Variants in PYCR2 observed in about 807,000 individuals in gnomAD.
PYCR2 encodes the protein P5C reductase 2.
PYCR2 carries 17 observed loss-of-function variants against 23.4 expected under a neutral mutation model. That is an observed-to-expected ratio of 0.73 (90% confidence interval 0.50 to 1.09). The LOEUF is 1.09. Ranked by LOEUF, PYCR2 falls within the 50% of genes least tolerant of loss-of-function variation. The pLI is 0.00. For missense variants in PYCR2, 380 were observed against 423.5 expected, an observed-to-expected ratio of 0.90 and a Z score of 0.90; for synonymous variants, 172 against 176.6, an observed-to-expected ratio of 0.97 and a Z score of 0.21.
chr1:225,924,001 TCGGGACC>T, intron 1 of PYCR2, 36 bp downstream of exon 1: 1 of 1,532,202 alleles, frequency 6.5e-7, no homozygotes, highest in Non-Finnish European at 8.8e-7. Flanking sequence ...CCCTCGGGCC[TCGGGACC>T]GCCCGCGAAG....
Position 225,921,289 on chromosome 1 carries a change from A to C in PYCR2, c.716T>G (p.Ile239Ser). The change falls in exon 6 of 7, where the codon ATC (isoleucine) becomes AGC (serine). Residue 239 changes from isoleucine to serine, a missense_variant. By Grantham distance (142) the Ile-to-Ser change is moderately radical (BLOSUM62 -2). Coordinates refer to ENST00000343818, the MANE Select transcript of PYCR2 (RefSeq NM_013328.4). This position sits in a 1 kb window ranked among gnomAD's most constrained non-coding sequence, Gnocchi z 4.2. ...DNVCSPGGAT[I>S]HALHFLESGG... ...ACTCTCTAGAAAGTGCAGGGCGTGG[A>C]TGGTGGCTCCCCCAGGGGAGCAGAC... The C allele has an allele frequency of 1.2e-6, 2 of 1,609,948 alleles. No individual in the cohort carries two copies. The highest frequency in any genetic ancestry group is 8.5e-7 in the Non-Finnish European group (1 of 1,176,172).
rs113802383 is a variant in PYCR2 at position 225,922,408 on chromosome 1, C to T, written c.139-25G>A. On this transcript the variant is annotated intron_variant, in intron 2 of 6. Coordinates refer to ENST00000343818, the MANE Select transcript of PYCR2 (RefSeq NM_013328.4). ...TCTGCAAGAGGAGACTCCCAGCTCA[C>T]AGTGCTGGAGCAGCCTGGCTATGCC... is the stretch of plus-strand genomic sequence containing the variant. 490 of 1,599,740 alleles carry T rather than the reference C, an allele frequency of 3.1e-4. 2 individuals are homozygous for T. In the African/African-American group the frequency reaches 5.6e-3, roughly 18 times the overall value.
At chr1:225,923,897 G>T in intron 1 of PYCR2, 126 bp from the exon 2 acceptor site, 1 of 1,486,310 alleles carries the variant, frequency 6.7e-7, no homozygotes, top group Non-Finnish European at 9.1e-7. Flanking sequence ...CCTCTACGAG[G>T]ACAGAAGACG....
rs754349088 is a variant in PYCR2 at position 225,921,644 on chromosome 1, C to T, written c.541G>A (p.Ala181Thr). ...GCCAATGCGTCCAGAGCCATGAATGCCTGTGGAGACACTCACTAAGCCCCA... is the reference window on the plus strand; with the variant it reads ...GCCAATGCGTCCAGAGCCATGAATGTCTGTGGAGACACTCACTAAGCCCCA... ...TGLSGSGPAY[A>T]FMALDALADG... Residue 181 changes from alanine to threonine, a missense_variant and splice_region_variant, in exon 5 of 7, where the codon GCA (alanine) becomes ACA (threonine). By Grantham distance (58) the Ala-to-Thr change is moderately conservative. Coordinates refer to ENST00000343818, the MANE Select transcript of PYCR2 (RefSeq NM_013328.4). The surrounding 1 kb of genome is among the most constrained non-coding windows in gnomAD (Gnocchi z 4.2). 6.2e-7 allele frequency: 1 copy of T among 1,614,194 alleles called. No homozygotes were observed. Among genetic ancestry groups the T allele is most frequent in the Non-Finnish European group, 8.5e-7 (1 of 1,180,016 alleles).
rs1671910939 is a variant in PYCR2, at chr1:225,923,689, G to A, written c.138+12C>T. ...CCTCCACCCGCTTCCCACTCCGCCC[G>A]GCTCCACCTACCCTGAGCGCGGACA... On this transcript the variant is annotated intron_variant, in intron 2 of 6. Transcript: ENST00000343818. The A allele has an allele frequency of 1.9e-6, 3 of 1,613,920 alleles. No individual in the cohort carries two copies. The highest frequency in any genetic ancestry group is 2.5e-6 in the Non-Finnish European group (3 of 1,179,930).
chr1:225,923,803 C>A, intron 1 of PYCR2, 32 bp from the exon 2 acceptor site: 1 of 1,613,656 alleles, frequency 6.2e-7, no homozygotes, highest in South Asian at 1.1e-5. Flanking sequence ...AACTAGGGGT[C>A]GCGGCCCAGC....
rs1186997318 is a variant in PYCR2, at chr1:225,920,471, C to T, written c.947G>A (p.Gly316Glu). The T allele has an allele frequency of 6.9e-7, 1 of 1,457,696 alleles. No individual in the cohort carries two copies. The highest frequency in any genetic ancestry group is 9.3e-7 in the Non-Finnish European group (1 of 1,072,124). 90.3% of individuals were successfully genotyped at this position (1,457,696 alleles called of 1,614,324 possible). A position where few individuals can be genotyped will look rare whatever the true frequency, so the allele number is the denominator to read the frequency against. ...GKLLTRSLAL[G>E]GKKD ...GATGCTGCCTTAGTCCTTCTTGCCT[C>T]CCAGGGCCAGGCTTCTTGTGAGGAG... is the stretch of plus-strand genomic sequence containing the variant. The change falls in exon 7 of 7, where the codon GGA becomes GAA. Residue 316 changes from glycine to glutamate, a missense_variant. Physicochemically the swap from Gly to Glu is moderately conservative, Grantham distance 98 (BLOSUM62 -2). Coordinates refer to ENST00000343818, the MANE Select transcript of PYCR2 (RefSeq NM_013328.4).
rs142577088 is a variant in PYCR2, at chr1:225,921,635, C to T, written c.550G>A (p.Ala184Thr). ...CCACCATCAGCCAATGCGTCCAGAG[C>T]CATGAATGCCTGTGGAGACACTCAC... ...SGSGPAYAFMALDALADGGVK... is the reference protein window; with the variant it reads ...SGSGPAYAFMTLDALADGGVK... Residue 184 changes from alanine to threonine, a missense_variant, in exon 5 of 7, where the codon GCT becomes ACT. Ala to Thr is a moderately conservative substitution (Grantham distance 58, BLOSUM62 0). Transcript: ENST00000343818. This position sits in a 1 kb window ranked among gnomAD's most constrained non-coding sequence, Gnocchi z 4.2. 3.7e-6 allele frequency: 6 copies of T among 1,614,104 alleles called. No homozygotes were observed. The highest frequency in any genetic ancestry group is 5.1e-6 in the Non-Finnish European group (6 of 1,180,048).
chr1:225,921,181 G>A lies in PYCR2; in HGVS notation c.797+27C>T. The A allele has an allele frequency of 6.2e-7, 1 of 1,600,738 alleles. No homozygotes were observed. ...GGACCAACCAGGACTGAAGGGTCTG[G>A]GACAGAAGTCCGCGGGATGGACTCA... On this transcript the variant is annotated intron_variant, in intron 6 of 6. Coordinates refer to ENST00000343818, the MANE Select transcript of PYCR2 (RefSeq NM_013328.4). The surrounding 1 kb of genome is among the most constrained non-coding windows in gnomAD (Gnocchi z 4.2).
Position 225,921,131 on chromosome 1 carries a change from G to C in PYCR2, c.797+77C>G. 2.8e-6 allele frequency: 4 copies of C among 1,423,248 alleles called. No individual in the cohort carries two copies. The highest frequency in any genetic ancestry group is 3.8e-6 in the Non-Finnish European group (4 of 1,042,948). The allele number at this position is 1,423,248 out of a possible 1,614,324, so 88.2% of individuals were successfully genotyped here. ...AATGGGACCCAAGACAGCAGGTTCC[G>C]CAAATGGTGCTCAACCCAGCCCAGG... On this transcript the variant is annotated intron_variant, in intron 6 of 6. Coordinates refer to ENST00000343818, the MANE Select transcript of PYCR2 (RefSeq NM_013328.4). The surrounding 1 kb of genome is among the most constrained non-coding windows in gnomAD (Gnocchi z 4.2).
chr1:225,924,014 C>G (rs1671921578), intron 1 of PYCR2, 30 bp downstream of exon 1: 1 of 1,493,236 alleles, frequency 6.7e-7, no homozygotes, highest in Non-Finnish European at 9.0e-7. Context: ...GGACCGCCCG[C>G]GAAGCCGCCT....
chr1:225,921,539 GA>G lies in PYCR2; in HGVS notation c.633+12del. On this transcript the variant is annotated intron_variant, in intron 5 of 6. Transcript: ENST00000343818. This position sits in a 1 kb window ranked among gnomAD's most constrained non-coding sequence, Gnocchi z 4.2. Reference sequence around the variant, plus strand: ...ACACCCTGGTCCTGAACATGCGGGGGAAAGATACTGACCAGCAAAGCCTGGG... The same window carrying G: ...ACACCCTGGTCCTGAACATGCGGGGGAAGATACTGACCAGCAAAGCCTGGG... 6.2e-7 allele frequency: 1 copy of G among 1,613,942 alleles called. No individual in the cohort carries two copies. The highest frequency in any genetic ancestry group is 8.5e-7 in the Non-Finnish European group (1 of 1,179,822).
At chr1:225,923,483 C>T in intron 2 of PYCR2, 1 of 1,410,122 alleles carries the variant, frequency 7.1e-7, no homozygotes, top group African/African-American at 1.4e-5. Context: ...CTCTACCACT[C>T]CAGTGTCTGG....
rs1173956785 is a variant in PYCR2, at chr1:225,924,183, G to A, written c.-73C>T. The A allele has an allele frequency of 1.4e-6, 2 of 1,476,538 alleles. No individual in the cohort carries two copies. The highest frequency in any genetic ancestry group is 1.4e-5 in the African/African-American group (1 of 71,072). 91.5% of individuals were successfully genotyped at this position (1,476,538 alleles called of 1,614,324 possible). On this transcript the variant is annotated 5_prime_UTR_variant, in exon 1 of 7. Coordinates refer to ENST00000343818, the MANE Select transcript of PYCR2 (RefSeq NM_013328.4). ...GGGACCGGAAGTAACGCTAGGGGAA[G>A]GGCGGACAGCGCAGGGGCGAACGGG...
chr1:225,921,782 C>A lies in PYCR2; in HGVS notation c.540+76G>T. On this transcript the variant is annotated intron_variant, in intron 4 of 6. Transcript: ENST00000343818. The surrounding 1 kb of genome is among the most constrained non-coding windows in gnomAD (Gnocchi z 4.2). Reference sequence around the variant, plus strand: ...TGTGCCCAAGAGGTGGGCGCCACCCCCAGTCCAAGCCTGCCTGCCAGCCCA... The same window carrying A: ...TGTGCCCAAGAGGTGGGCGCCACCCACAGTCCAAGCCTGCCTGCCAGCCCA... 1 of 1,597,412 alleles carries A rather than the reference C, an allele frequency of 6.3e-7. No homozygotes were observed. The highest frequency in any genetic ancestry group is 8.6e-7 in the Non-Finnish European group (1 of 1,168,916).
intron 6 of PYCR2, among the ~76,000 whole-genome samples, chr1:225,920,904 T>C (rs923490677): frequency 6.6e-6 from 1 of 152,208 alleles, no homozygotes; most frequent in Non-Finnish European, 1.5e-5. Flanking sequence ...AGATTCAAAT[T>C]AGAATCCTGT....
chr1:225,924,179 G>C lies in PYCR2; in HGVS notation c.-69C>G. The C allele has an allele frequency of 6.7e-7, 1 of 1,488,258 alleles. No homozygotes were observed. The highest frequency in any genetic ancestry group is 9.0e-7 in the Non-Finnish European group (1 of 1,115,450). 92.2% of individuals were successfully genotyped at this position (1,488,258 alleles called of 1,614,324 possible). A position where few individuals can be genotyped will look rare whatever the true frequency, so the allele number is the denominator to read the frequency against. ...GCGAGGGACCGGAAGTAACGCTAGGGGAAGGGCGGACAGCGCAGGGGCGAA... is the reference window on the plus strand; with the variant it reads ...GCGAGGGACCGGAAGTAACGCTAGGCGAAGGGCGGACAGCGCAGGGGCGAA... On this transcript the variant is annotated 5_prime_UTR_variant, in exon 1 of 7. Transcript: ENST00000343818.
rs1280071853 is a variant in PYCR2, at chr1:225,924,206, G to T, written c.-96C>A. 2.9e-6 allele frequency: 4 copies of T among 1,371,850 alleles called. No homozygotes were observed. The highest frequency in any genetic ancestry group is 2.5e-5 in the Admixed American group (1 of 39,722). The allele number at this position is 1,371,850 out of a possible 1,614,324, so 85.0% of individuals were successfully genotyped here. On this transcript the variant is annotated 5_prime_UTR_variant, in exon 1 of 7. Coordinates refer to ENST00000343818, the MANE Select transcript of PYCR2 (RefSeq NM_013328.4). ...AAGGGCGGACAGCGCAGGGGCGAAC[G>T]GGCGGCGTGCCGAGGACCGGCGAGC...
rs376369863 is a variant in PYCR2, at chr1:225,921,389, T to G, written c.634-18A>C. 16 of 1,531,666 alleles carry G rather than the reference T, an allele frequency of 1.0e-5. No individual in the cohort carries two copies. The highest frequency in any genetic ancestry group is 1.4e-5 in the Non-Finnish European group (16 of 1,107,194). 94.9% of individuals were successfully genotyped at this position (1,531,666 alleles called of 1,614,324 possible). A position where few individuals can be genotyped will look rare whatever the true frequency, so the allele number is the denominator to read the frequency against. The stretch of plus-strand genomic sequence containing the variant: ...GCAGCTCCCTATGGGGAAGGGCACA[T>G]TAGGAGAAAGTTGCTGGTGTGCGTT... On this transcript the variant is annotated intron_variant, in intron 5 of 6. Transcript: ENST00000343818. The surrounding 1 kb of genome is among the most constrained non-coding windows in gnomAD (Gnocchi z 4.2).
Sources: gnomAD v4.1 joint callset for allele counts (sites outside exome capture counted in the v4.1 genomes callset) on GRCh38, gnomAD v4.1.1 for gene constraint, Gnocchi (gnomAD v3.1) non-coding constraint, MANE v1.5 for transcripts, NCBI Gene and HGNC (gene_info 2026-07-23, HGNC 2026-07-21) for gene names.